Variants in AKAP19 observed in about 807,000 individuals in gnomAD.
AKAP19 encodes A-kinase anchoring protein 19, also known as small A-kinase anchoring protein.
At chr2:190,112,977 A>G in the AKAP19 span, among the ~76,000 whole-genome samples, 5 of 151,926 alleles carry the variant, frequency 3.3e-5, no homozygotes, top group Non-Finnish European at 7.4e-5. Flanking sequence ...TCTTAGTTCC[A>G]TTAGTCTATT....
the AKAP19 span, among the ~76,000 whole-genome samples, chr2:190,046,075 G>A: frequency 2.4e-4 from 37 of 152,316 alleles, no homozygotes; most frequent in Non-Finnish European, 4.1e-4. Flanking sequence ...CCGGGTGGCC[G>A]ATTGTCCTGT....
chr2:189,995,229 T>C, the AKAP19 span, among the ~76,000 whole-genome samples: 1 of 152,202 alleles, frequency 6.6e-6, no homozygotes, highest in Admixed American at 6.5e-5. Flanking sequence ...AGTATTGAAA[T>C]CCCCCACTAT....
At chr2:189,980,745 AT>A in the AKAP19 span, among the ~76,000 whole-genome samples, 1 of 152,184 alleles carries the variant, frequency 6.6e-6, no homozygotes, top group Non-Finnish European at 1.5e-5. Flanking sequence ...TCTTCTGGAA[AT>A]CTCTTGATTT....
At chr2:189,962,889 T>C in the AKAP19 span, among the ~76,000 whole-genome samples, 12 of 152,064 alleles carry the variant, frequency 7.9e-5, no homozygotes, top group African/African-American at 2.9e-4. Flanking sequence ...TATATGTATA[T>C]ATAATACAAT....
At chr2:190,169,565 G>A in the AKAP19 span, among the ~76,000 whole-genome samples, 5 of 152,230 alleles carry the variant, frequency 3.3e-5, no homozygotes, top group African/African-American at 1.2e-4. Context: ...AGAGAATTAG[G>A]TAGCCAGGCT....
the AKAP19 span, chr2:190,089,469 T>G: frequency 6.6e-6 from 1 of 152,136 alleles, no homozygotes. Context: ...AAATTCTATG[T>G]ACACCTGAAA....
the AKAP19 span, among the ~76,000 whole-genome samples, chr2:190,157,154 T>G: frequency 6.6e-6 from 1 of 152,104 alleles, no homozygotes; most frequent in East Asian, 1.9e-4. Flanking sequence ...GTGGTAATAA[T>G]TTTACAGGGT....
the AKAP19 span, among the ~76,000 whole-genome samples, chr2:189,980,232 A>G: frequency 6.6e-6 from 1 of 152,248 alleles, no homozygotes; most frequent in African/African-American, 2.4e-5. Context: ...ACACAGCCAT[A>G]AAAAAGAATG....
At chr2:190,175,065 A>G in the AKAP19 span, among the ~76,000 whole-genome samples, 1 of 145,046 alleles carries the variant, frequency 6.9e-6, no homozygotes, top group African/African-American at 2.6e-5. Flanking sequence ...TAGGGGTGGT[A>G]GAATAAATAT....
At chr2:189,911,711 T>A in the AKAP19 span, among the ~76,000 whole-genome samples, 2 of 152,156 alleles carry the variant, frequency 1.3e-5, no homozygotes, top group Non-Finnish European at 2.9e-5. Context: ...CTGATTTTTT[T>A]AAAAGCATTA....
chr2:190,069,175 T>TGTGTGAGAGAGA, the AKAP19 span, among the ~76,000 whole-genome samples: 607 of 123,496 alleles, frequency 4.9e-3, 7 homozygotes, highest in African/African-American at 0.018. Context: ...TGTGTGTGTG[T>TGTGTGAGAGAGA]GAGAGAGAGA....
chr2:189,975,752 C>A, the AKAP19 span, among the ~76,000 whole-genome samples: 2 of 152,168 alleles, frequency 1.3e-5, no homozygotes, highest in African/African-American at 4.8e-5. Flanking sequence ...GTCACTGATA[C>A]CCTTTCTTCC....
At chr2:189,923,454 A>G in the AKAP19 span, 22 of 1,613,838 alleles carry the variant, frequency 1.4e-5, no homozygotes, top group Non-Finnish European at 1.8e-5. Flanking sequence ...TTTTCGAAGT[A>G]TGGCAAAATT....
the AKAP19 span, among the ~76,000 whole-genome samples, chr2:190,010,941 A>G: frequency 2.0e-4 from 30 of 151,630 alleles, no homozygotes; most frequent in East Asian, 3.7e-3. Context: ...AGTATCTTAT[A>G]TATTTGGGAT....
the AKAP19 span, among the ~76,000 whole-genome samples, chr2:190,049,844 G>A: frequency 6.6e-6 from 1 of 152,156 alleles, no homozygotes; most frequent in Non-Finnish European, 1.5e-5. Flanking sequence ...GTACACACAT[G>A]TATCATGTAT....
At chr2:190,054,085 T>A in the AKAP19 span, among the ~76,000 whole-genome samples, 1 of 151,976 alleles carries the variant, frequency 6.6e-6, no homozygotes, top group Non-Finnish European at 1.5e-5. Context: ...CATTAAGTGG[T>A]AAGAAAAAAA....
the AKAP19 span, among the ~76,000 whole-genome samples, chr2:189,903,783 G>A: frequency 6.6e-6 from 1 of 151,826 alleles, no homozygotes; most frequent in Admixed American, 6.6e-5. Context: ...TCCAACCCAT[G>A]TTCCCCCACT....
At chr2:190,033,149 C>A in the AKAP19 span, among the ~76,000 whole-genome samples, 3 of 152,028 alleles carry the variant, frequency 2.0e-5, no homozygotes, top group Admixed American at 2.0e-4. Context: ...CCCAGCCATG[C>A]CAGCAGCAAG....
chr2:190,005,781 A>T, the AKAP19 span, among the ~76,000 whole-genome samples: 1 of 152,278 alleles, frequency 6.6e-6, no homozygotes, highest in South Asian at 2.1e-4. Context: ...AGCTTCATTG[A>T]GTATATGTCT....
Sources: gnomAD v4.1 joint callset for allele counts (sites outside exome capture counted in the v4.1 genomes callset) on GRCh38, gnomAD v4.1.1 for gene constraint, MANE v1.5 for transcripts, NCBI Gene and HGNC (gene_info 2026-07-23, HGNC 2026-07-21) for gene names.